DNAH5: variants seen among roughly 807,000 people sequenced by gnomAD.
DNAH5 encodes the protein axonemal beta dynein heavy chain 5.
DNAH5 carries 372 observed loss-of-function variants against 518.2 expected under a neutral mutation model. The observed-to-expected ratio is 0.72, with a 90% confidence interval of 0.66 to 0.78. DNAH5 has a LOEUF of 0.78. Ranked by LOEUF, DNAH5 falls within the 30% of genes least tolerant of loss-of-function variation. The pLI is 0.00. For synonymous variants in DNAH5, 2,039 were observed against 2,025.9 expected, an observed-to-expected ratio of 1.01 and a Z score of -0.17; for missense variants, 5,523 against 5,687.0, an observed-to-expected ratio of 0.97 and a Z score of 0.93.
At chr5:13,866,109 A>G in intron 26 of DNAH5, 111 bp downstream of exon 26, 1 of 1,026,140 alleles carries the variant, frequency 9.7e-7, no homozygotes. Flanking sequence ...ATGCAAGTAC[A>G]TACCATATTC....
intron 1 of DNAH5, among the ~76,000 whole-genome samples, chr5:13,969,357 G>C (rs1342377670): frequency 2.0e-5 from 3 of 151,952 alleles, no homozygotes; most frequent in Non-Finnish European, 4.4e-5. Flanking sequence ...CTTCTGTTGA[G>C]TTTGGGTTTG....
At chr5:13,763,514 G>A (rs1026146661) in intron 59 of DNAH5, among the ~76,000 whole-genome samples, 1 of 152,158 alleles carries the variant, frequency 6.6e-6, no homozygotes, top group Non-Finnish European at 1.5e-5. Flanking sequence ...AATAGTAGCA[G>A]AAATGAATTA....
intron 43 of DNAH5, among the ~76,000 whole-genome samples, chr5:13,813,471 A>AC (rs1760999432): frequency 6.6e-6 from 1 of 151,532 alleles, no homozygotes; most frequent in Non-Finnish European, 1.5e-5. Context: ...AAAAAAAAAA[A>AC]AACAATCCTG....
chr5:13,787,836 C>G (rs1246500709), intron 51 of DNAH5, among the ~76,000 whole-genome samples: 1 of 152,150 alleles, frequency 6.6e-6, no homozygotes, highest in East Asian at 1.9e-4. Context: ...AATTGTCACT[C>G]AGAAACTTTT....
chr5:13,859,620 A>T lies in DNAH5; in HGVS notation c.4797-15T>A, dbSNP rs1768102415. On this transcript the variant is annotated splice_polypyrimidine_tract_variant and intron_variant, in intron 29 of 78. Transcript: ENST00000265104. ...GCATATTGTACCTAAAATAAGAAAT[A>T]GGTTTAGGGTTTGGTTTTGTTTTTG... is the stretch of plus-strand genomic sequence containing the variant. The T allele has an allele frequency of 2.5e-6, 4 of 1,613,032 alleles. No homozygotes were observed. The highest frequency in any genetic ancestry group is 3.4e-6 in the Non-Finnish European group (4 of 1,179,008).
At chr5:13,974,144 T>C (rs1195893777) in intron 1 of DNAH5, among the ~76,000 whole-genome samples, 2 of 144,448 alleles carry the variant, frequency 1.4e-5, no homozygotes, top group Non-Finnish European at 3.1e-5. Context: ...TTTTCTTTTC[T>C]TTTTTTTTTT....
At chr5:13,724,048 C>T (rs116610744) in intron 70 of DNAH5, among the ~76,000 whole-genome samples, 3,052 of 152,308 alleles carry the variant, frequency 0.02, 38 homozygotes, top group African/African-American at 0.033. Flanking sequence ...GGCCCCACTG[C>T]GGTAGGCATG....
At chr5:13,885,923 G>C (rs760190392) in intron 18 of DNAH5, 41 bp downstream of exon 18, 13 of 1,579,292 alleles carry the variant, frequency 8.2e-6, no homozygotes, top group African/African-American at 8.1e-5. Flanking sequence ...TTTAGTAAAT[G>C]TCATAGAAAA....
intron 52 of DNAH5, among the ~76,000 whole-genome samples, chr5:13,784,324 T>C (rs1453544409): frequency 6.6e-6 from 1 of 152,232 alleles, no homozygotes; most frequent in Non-Finnish European, 1.5e-5. Flanking sequence ...CTGAAACAAC[T>C]CTTAATCAAC....
At chr5:13,821,496 T>C (rs1321287110) in intron 40 of DNAH5, among the ~76,000 whole-genome samples, 1 of 152,222 alleles carries the variant, frequency 6.6e-6, no homozygotes, top group Non-Finnish European at 1.5e-5. Context: ...GCTATTAACA[T>C]CTTCCTTTTA....
chr5:13,987,354 CTGA>C (rs1783123564), intron 1 of DNAH5, among the ~76,000 whole-genome samples: 1 of 151,960 alleles, frequency 6.6e-6, no homozygotes, highest in African/African-American at 2.4e-5. Flanking sequence ...GGCTAGTTTT[CTGA>C]TAACTGAAAA....
intron 13 of DNAH5, 120 bp from the exon 14 acceptor site, chr5:13,901,693 AATGAG>A: frequency 1.5e-6 from 1 of 668,572 alleles, no homozygotes; most frequent in Non-Finnish European, 2.4e-6. Context: ...AATGGAAAAG[AATGAG>A]ATATTTACAT....
At chr5:13,962,991 A>T (rs576488810) in intron 1 of DNAH5, among the ~76,000 whole-genome samples, 1 of 152,082 alleles carries the variant, frequency 6.6e-6, no homozygotes, top group Non-Finnish European at 1.5e-5. Context: ...GCGTCCCAAG[A>T]GCAGGGAGCA....
At chr5:13,981,796 G>T (rs1441092996) in intron 1 of DNAH5, among the ~76,000 whole-genome samples, 3 of 152,190 alleles carry the variant, frequency 2.0e-5, no homozygotes, top group African/African-American at 7.2e-5. Context: ...GGGGAAAGAA[G>T]AGTTACAGAA....
chr5:13,820,824 CAA>C (rs70964510), intron 40 of DNAH5, among the ~76,000 whole-genome samples: 1 of 66,476 alleles, frequency 1.5e-5, no homozygotes, highest in Non-Finnish European at 2.6e-5. Flanking sequence ...TACTCCGTCT[CAA>C]AAAAAAAAAA....
At chr5:13,887,191 C>T (rs559880863) in intron 17 of DNAH5, among the ~76,000 whole-genome samples, 2 of 152,326 alleles carry the variant, frequency 1.3e-5, no homozygotes, top group South Asian at 4.1e-4. Context: ...GCAGCTCTTT[C>T]AGTCCTCTCA....
chr5:13,956,273 G>T (rs1780755798), intron 1 of DNAH5, among the ~76,000 whole-genome samples: 1 of 151,940 alleles, frequency 6.6e-6, no homozygotes, highest in Non-Finnish European at 1.5e-5. Flanking sequence ...CTTTATGCTG[G>T]GATATTTTTT....
intron 78 of DNAH5, among the ~76,000 whole-genome samples, chr5:13,698,679 G>T (rs893350738): frequency 6.6e-6 from 1 of 152,074 alleles, no homozygotes; most frequent in Non-Finnish European, 1.5e-5. Context: ...TACACTTGGG[G>T]GCCATTTTAA....
At chr5:13,805,145 G>A (rs1025075975) in intron 47 of DNAH5, among the ~76,000 whole-genome samples, 1 of 152,136 alleles carries the variant, frequency 6.6e-6, no homozygotes, top group Non-Finnish European at 1.5e-5. Context: ...GAAGGTTGAA[G>A]TTTTAAGTCA....
Sources: gnomAD v4.1 joint callset for allele counts (sites outside exome capture counted in the v4.1 genomes callset) on GRCh38, gnomAD v4.1.1 for gene constraint, MANE v1.5 for transcripts, NCBI Gene and HGNC (gene_info 2026-07-23, HGNC 2026-07-21) for gene names.